The following CDH18 variants were observed in gnomAD, a reference collection of about 807,000 sequenced individuals.
CDH18 encodes the protein cadherin 18.
CDH18 carries 31 observed loss-of-function variants against 67.9 expected under a neutral mutation model. The ratio of observed to expected loss-of-function variants is 0.46; its 90% confidence interval spans 0.34 to 0.62. The LOEUF (loss-of-function observed/expected upper bound fraction) is 0.62. Ranked by LOEUF, CDH18 falls within the 20% of genes least tolerant of loss-of-function variation. The pLI is 0.01. For synonymous variants in CDH18, 362 were observed against 347.2 expected, an observed-to-expected ratio of 1.04 and a Z score of -0.48; for missense variants, 890 against 975.5, an observed-to-expected ratio of 0.91 and a Z score of 1.17.
chr5:20,271,646 A>C (rs1054141961), intron 1 of CDH18, among the ~76,000 whole-genome samples: 5 of 151,996 alleles, frequency 3.3e-5, no homozygotes, highest in Non-Finnish European at 7.4e-5. Context: ...CACACACTCA[A>C]ACACACAGGA....
intron 2 of CDH18, among the ~76,000 whole-genome samples, chr5:20,182,046 T>A (rs894266522): frequency 2.0e-5 from 3 of 152,154 alleles, no homozygotes; most frequent in Non-Finnish European, 4.4e-5. Context: ...GGATTATCTA[T>A]CTTTACAAAT....
chr5:20,511,895 G>A (rs1021563992), intron 1 of CDH18, among the ~76,000 whole-genome samples: 6 of 152,226 alleles, frequency 3.9e-5, no homozygotes, highest in South Asian at 4.1e-4. Flanking sequence ...GCAGGTGAAG[G>A]TATTTTCTTA....
chr5:19,612,348 C>G (rs1749116266), intron 6 of CDH18, 86 bp downstream of exon 6: 19 of 1,323,782 alleles, frequency 1.4e-5, no homozygotes, highest in Non-Finnish European at 2.0e-5. Flanking sequence ...CTTAAGAAAA[C>G]AGTAACATAA....
intron 1 of CDH18, among the ~76,000 whole-genome samples, chr5:20,280,296 T>C (rs1746150263): frequency 6.6e-6 from 1 of 152,034 alleles, no homozygotes; most frequent in Admixed American, 6.6e-5. Context: ...GCCATTTTGG[T>C]GTGCTGCACC....
At chr5:19,623,850 A>T (rs1428796417) in intron 5 of CDH18, among the ~76,000 whole-genome samples, 2 of 107,314 alleles carry the variant, frequency 1.9e-5, no homozygotes, top group African/African-American at 5.1e-5. Flanking sequence ...TAGGTCCATA[A>T]GTAACTGAAC....
chr5:19,650,288 A>G (rs925900829), intron 5 of CDH18, among the ~76,000 whole-genome samples: 2 of 76,192 alleles, frequency 2.6e-5, no homozygotes, highest in African/African-American at 3.8e-5. Flanking sequence ...AAAATTTCCT[A>G]TCTCCATAAA....
chr5:20,060,949 G>GA (rs959686269), intron 2 of CDH18, among the ~76,000 whole-genome samples: 25 of 145,722 alleles, frequency 1.7e-4, no homozygotes, highest in South Asian at 8.6e-4. Flanking sequence ...CATGATGCAA[G>GA]AAAAAAAAAA....
At chr5:19,775,203 A>G (rs898743443) in intron 3 of CDH18, among the ~76,000 whole-genome samples, 6 of 152,166 alleles carry the variant, frequency 3.9e-5, no homozygotes, top group Non-Finnish European at 5.9e-5. Flanking sequence ...GATGCTTGGA[A>G]TATTTACGCT....
At chr5:19,894,386 T>C (rs181620824) in intron 2 of CDH18, among the ~76,000 whole-genome samples, 2 of 152,108 alleles carry the variant, frequency 1.3e-5, no homozygotes, top group Non-Finnish European at 2.9e-5. Context: ...GTCTACTGAG[T>C]ATTCTAATAC....
intron 5 of CDH18, among the ~76,000 whole-genome samples, chr5:19,703,422 A>G (rs1035558541): frequency 2.0e-5 from 3 of 152,154 alleles, no homozygotes; most frequent in Non-Finnish European, 4.4e-5. Context: ...GAGTATAACT[A>G]AGTAACAGAA....
chr5:19,938,059 ATATT>A (rs893612448), intron 2 of CDH18, among the ~76,000 whole-genome samples: 5 of 148,436 alleles, frequency 3.4e-5, no homozygotes, highest in Non-Finnish European at 7.5e-5. Context: ...TTAAATATAT[ATATT>A]TAAACAATGG....
chr5:19,515,834 C>T (rs1013031091), intron 10 of CDH18, among the ~76,000 whole-genome samples: 3 of 152,018 alleles, frequency 2.0e-5, no homozygotes, highest in Non-Finnish European at 2.9e-5. Context: ...TAATTAAATA[C>T]TCTATTTCTT....
chr5:19,488,306 C>T (rs1189518167), intron 11 of CDH18, among the ~76,000 whole-genome samples: 6 of 152,030 alleles, frequency 3.9e-5, no homozygotes, highest in African/African-American at 1.2e-4. Flanking sequence ...TATCAGACAC[C>T]TACTCTCAGT....
At chr5:19,663,917 C>T (rs914250494) in intron 5 of CDH18, among the ~76,000 whole-genome samples, 1 of 150,718 alleles carries the variant, frequency 6.6e-6, no homozygotes, top group Admixed American at 6.6e-5. Flanking sequence ...ATAAGTTACA[C>T]ATGTAGTTTA....
chr5:20,005,489 G>GT (rs1736826396), intron 2 of CDH18, among the ~76,000 whole-genome samples: 1 of 151,100 alleles, frequency 6.6e-6, no homozygotes, highest in Non-Finnish European at 1.5e-5. Flanking sequence ...GATTAAATAA[G>GT]TTTGAGAAAT....
At chr5:19,548,532 AT>A (rs1227695268) in intron 8 of CDH18, among the ~76,000 whole-genome samples, 3 of 151,972 alleles carry the variant, frequency 2.0e-5, no homozygotes, top group African/African-American at 7.3e-5. Context: ...AAAATCTAAC[AT>A]TTATGGAGCA....
At chr5:20,560,482 C>CAG (rs1758143747) in intron 1 of CDH18, among the ~76,000 whole-genome samples, 1 of 150,328 alleles carries the variant, frequency 6.7e-6, no homozygotes, top group African/African-American at 2.4e-5. Context: ...CACACACACA[C>CAG]ACACACACAC....
At chr5:19,614,393 TAATA>T (rs1749494635) in intron 5 of CDH18, among the ~76,000 whole-genome samples, 1 of 151,066 alleles carries the variant, frequency 6.6e-6, no homozygotes, top group Admixed American at 6.6e-5. Flanking sequence ...AATAATATTA[TAATA>T]AATGATTCAT....
At chr5:20,145,288 G>A (rs1750556202) in intron 2 of CDH18, among the ~76,000 whole-genome samples, 1 of 152,152 alleles carries the variant, frequency 6.6e-6, no homozygotes, top group South Asian at 2.1e-4. Context: ...TCTTAATAAA[G>A]TTTTTCTTAA....
Sources: allele counts gnomAD v4.1 joint callset (sites outside exome capture counted in the v4.1 genomes callset), GRCh38; gene constraint gnomAD v4.1.1; transcripts MANE v1.5; gene names NCBI Gene and HGNC (gene_info 2026-07-23, HGNC 2026-07-21).